Variants in GAS5 observed in about 807,000 individuals in gnomAD.
The protein encoded by GAS5 is growth arrest specific 5 (non-protein coding).
chr1:173,864,544 G>A, intron 6 of GAS5: 1 of 397,594 alleles, frequency 2.5e-6, no homozygotes, highest in Middle Eastern at 5.7e-4. Flanking sequence ...TTTAAAATTT[G>A]CCCTACTCAA....
At chr1:173,866,844 G>C (rs761517103) in intron 1 of GAS5, 2 of 765,376 alleles carry the variant, frequency 2.6e-6, no homozygotes, top group African/African-American at 1.7e-5. Flanking sequence ...GAACCTCACA[G>C]CAGTCACGTT....
upstream of GAS5, chr1:173,867,554 G>A (rs940604729): frequency 2.1e-6 from 1 of 473,698 alleles, no homozygotes; most frequent in South Asian, 1.5e-5. Context: ...TGGTGACACT[G>A]CGGAATGCAG....
chr1:173,867,257 G>A (rs535841324), upstream of GAS5: 8 of 515,516 alleles, frequency 1.6e-5, no homozygotes, highest in South Asian at 2.2e-4. Flanking sequence ...GGTGGCTCAC[G>A]GCTTGTAATC....
At chr1:173,866,489 T>G (rs1480696151) in intron 3 of GAS5, 1 of 657,792 alleles carries the variant, frequency 1.5e-6, no homozygotes, top group African/African-American at 1.8e-5. Flanking sequence ...TATTTTCTAA[T>G]CCCTTAAAAG....
At chr1:173,864,512 T>C in intron 6 of GAS5, 1 of 455,426 alleles carries the variant, frequency 2.2e-6, no homozygotes, top group Admixed American at 2.6e-5. Context: ...TCTGCCTGTT[T>C]GAAGATGAAA....
upstream of GAS5, chr1:173,867,590 G>A (rs1263113832): frequency 1.9e-6 from 1 of 513,700 alleles, no homozygotes; most frequent in Admixed American, 2.0e-5. Flanking sequence ...GACTACCACC[G>A]ACAGCCTTTC....
chr1:173,864,678 C>T (rs1654279795), intron 6 of GAS5: 1 of 418,362 alleles, frequency 2.4e-6, no homozygotes, highest in Non-Finnish European at 4.7e-6. Context: ...AACTAACCTG[C>T]ATTTCTTCAA....
upstream of GAS5, chr1:173,867,822 A>G (rs73037097): frequency 1.9e-6 from 1 of 512,868 alleles, no homozygotes; most frequent in African/African-American, 1.9e-5. Context: ...CCATATGTGC[A>G]ATCCCCCACC....
At chr1:173,867,306 G>T (rs920298480), upstream of GAS5, 1 of 456,288 alleles carries the variant, frequency 2.2e-6, no homozygotes, top group Non-Finnish European at 3.9e-6. Context: ...GATCACCTGA[G>T]GTCAGGAGTT....
chr1:173,865,617 C>T lies in GAS5; in HGVS notation n.200-70G>A, dbSNP rs750829389. 19 of 519,124 alleles carry T rather than the reference C, an allele frequency of 3.7e-5. No homozygotes were observed. In the Admixed American group the frequency reaches 3.7e-4, roughly 10 times the overall value. The allele number at this position is 519,124 out of a possible 1,614,324, so 32.2% of individuals were successfully genotyped here. A position where few individuals can be genotyped will look rare whatever the true frequency, so the allele number is the denominator to read the frequency against. ...AAACTCTTTTCAAAGTTGTCTGTCA[C>T]AGGGTTCTTCAGTGTTACCTTTGTC... On this transcript the variant is annotated intron_variant and non_coding_transcript_variant, in intron 5 of 7. Transcript: ENST00000651080.
chr1:173,867,759 A>T (rs781083270), upstream of GAS5: 4 of 519,118 alleles, frequency 7.7e-6, no homozygotes, highest in Non-Finnish European at 1.2e-5. Context: ...ACGAGAGCCG[A>T]GGCTTCTCCG....
upstream of GAS5, chr1:173,868,286 G>C (rs1469503833): frequency 2.6e-5 from 4 of 153,366 alleles, no homozygotes; most frequent in Non-Finnish European, 5.8e-5. Context: ...GGGGGAAGGG[G>C]GGGCGGTGTA....
At position 173,866,308 on chromosome 1, in the gene GAS5, TCAGA is replaced by T. The variant is rs563547318; in HGVS notation, n.132-106_132-103del. On this transcript the variant is annotated intron_variant and non_coding_transcript_variant, in intron 3 of 7. Coordinates refer to ENST00000651080, the Ensembl canonical transcript of GAS5. ...GCAAACCACAACTACCCCAGATACA[TCAGA>T]CAGATAGTACATCTCTTCATGATTA... is the stretch of plus-strand genomic sequence containing the variant. 423 of 517,586 alleles carry T rather than the reference TCAGA, an allele frequency of 8.2e-4. 4 individuals are homozygous for T. The highest frequency in any genetic ancestry group is 5.5e-3 in the South Asian group (397 of 71,560). 32.1% of individuals were successfully genotyped at this position (517,586 alleles called of 1,614,324 possible).
intron 5 of GAS5, chr1:173,865,611 C>G (rs1654465775): frequency 1.9e-6 from 1 of 519,230 alleles, no homozygotes; most frequent in Non-Finnish European, 3.8e-6. Flanking sequence ...TCAAAGTTGT[C>G]TGTCACAGGG....
chr1:173,865,480 GT>G, exon 6 of GAS5: 1 of 507,200 alleles, frequency 2.0e-6, no homozygotes, highest in Non-Finnish European at 3.9e-6. Flanking sequence ...CCTTTAAAAG[GT>G]ATGACAGGAA....
At chr1:173,868,706 C>CT (rs1179471757), upstream of GAS5, 4 of 152,964 alleles carry the variant, frequency 2.6e-5, no homozygotes, top group Non-Finnish European at 5.8e-5. Flanking sequence ...CCCCGCCCGC[C>CT]GCCGCCTGGA....
At chr1:173,866,447 G>A in intron 3 of GAS5, 4 of 616,006 alleles carry the variant, frequency 6.5e-6, no homozygotes, top group Non-Finnish European at 1.2e-5. Flanking sequence ...GGGGAGAGAA[G>A]CACTAACATA....
At chr1:173,868,815 AT>A (rs1005355003), upstream of GAS5, 14 of 153,218 alleles carry the variant, frequency 9.1e-5, no homozygotes, top group Non-Finnish European at 1.5e-5. Flanking sequence ...CCTCAGTGAC[AT>A]TTTGCCCTTT....
intron 6 of GAS5, chr1:173,864,707 G>A: frequency 2.3e-6 from 1 of 440,970 alleles, no homozygotes; most frequent in South Asian, 1.6e-5. Flanking sequence ...TCTGAGTCCT[G>A]AAATTAAGGG....
Sources: allele counts gnomAD v4.1 joint callset, GRCh38; gene constraint gnomAD v4.1.1; transcripts MANE v1.5; gene names NCBI Gene and HGNC (gene_info 2026-07-23, HGNC 2026-07-21).